Variants in ASAP1 observed in about 807,000 individuals in gnomAD.
ASAP1 encodes the protein arf-GAP with SH3 domain, ANK repeat and PH domain-containing protein 1.
ASAP1 carries 43 observed loss-of-function variants against 145.2 expected under a neutral mutation model. The observed-to-expected ratio is 0.30, with a 90% CI of 0.23 to 0.38. The LOEUF (loss-of-function observed/expected upper bound fraction) is 0.38, where lower values mean the gene tolerates loss of function less well. Among genes scored for constraint, ASAP1 ranks in the 10% least tolerant of loss-of-function variants. The probability of loss-of-function intolerance (pLI) is 1.00; values close to 1 mark genes in which losing one functional copy is unlikely to be tolerated. For synonymous variants in ASAP1, 546 were observed against 515.5 expected (o/e 1.06, Z -0.80); for missense variants, 1,018 against 1,355.3 (o/e 0.75, Z 3.91).
chr8:130,429,480 T>C (rs1435570291), intron 1 of ASAP1, among the ~76,000 whole-genome samples: 1 of 152,210 alleles, frequency 6.6e-6, no homozygotes, highest in African/African-American at 2.4e-5. Flanking sequence ...TCAAAGAGGT[T>C]TGAAACTTGC....
At chr8:130,058,877 C>T (rs531666718) in intron 28 of ASAP1, among the ~76,000 whole-genome samples, 2 of 152,224 alleles carry the variant, frequency 1.3e-5, no homozygotes, top group South Asian at 2.1e-4. Flanking sequence ...CTGGGCCGTG[C>T]GGGTGGGTTG....
At chr8:130,161,332 C>T (rs190437909) in intron 11 of ASAP1, among the ~76,000 whole-genome samples, 7 of 152,244 alleles carry the variant, frequency 4.6e-5, no homozygotes, top group Non-Finnish European at 7.4e-5. Context: ...ATACCTTTAA[C>T]GCCAGGATGG....
chr8:130,173,077 G>A (rs971381743), intron 9 of ASAP1, among the ~76,000 whole-genome samples: 1 of 152,060 alleles, frequency 6.6e-6, no homozygotes, highest in East Asian at 1.9e-4. Context: ...AGGATATCAC[G>A]TATTAATCAG....
At chr8:130,124,193 A>G (rs2097571264) in intron 17 of ASAP1, 89 bp from the exon 18 acceptor site, 15 of 942,570 alleles carry the variant, frequency 1.6e-5, no homozygotes, top group Non-Finnish European at 2.3e-5. Flanking sequence ...AGATTTATGA[A>G]TATGTATTTT....
intron 3 of ASAP1, among the ~76,000 whole-genome samples, chr8:130,238,214 G>T (rs1447327541): frequency 6.6e-6 from 1 of 152,062 alleles, no homozygotes; most frequent in Non-Finnish European, 1.5e-5. Flanking sequence ...TGGACTCAAC[G>T]TCATTCCTCG....
intron 13 of ASAP1, among the ~76,000 whole-genome samples, chr8:130,150,652 G>A (rs2097644049): frequency 6.6e-6 from 1 of 152,144 alleles, no homozygotes; most frequent in African/African-American, 2.4e-5. Context: ...GCCGAGGCGG[G>A]TGGATCACTT....
chr8:130,068,199 T>G (rs1466892726), intron 27 of ASAP1, among the ~76,000 whole-genome samples: 1 of 152,148 alleles, frequency 6.6e-6, no homozygotes, highest in South Asian at 2.1e-4. Context: ...AGTGAAATAT[T>G]TAATCCCTGG....
chr8:130,262,781 ATTTTTTAC>A (rs1309954354), intron 3 of ASAP1, among the ~76,000 whole-genome samples: 1 of 152,180 alleles, frequency 6.6e-6, no homozygotes, highest in African/African-American at 2.4e-5. Context: ...AATGCTTCAC[ATTTTTTAC>A]TTCAGCAGAA....
intron 1 of ASAP1, among the ~76,000 whole-genome samples, chr8:130,434,840 C>G (rs1390988521): frequency 1.3e-5 from 2 of 152,130 alleles, no homozygotes; most frequent in African/African-American, 4.8e-5. Flanking sequence ...AGACAGGAAG[C>G]AGGTCAGCTC....
intron 1 of ASAP1, among the ~76,000 whole-genome samples, chr8:130,408,507 T>C (rs772853032): frequency 1.3e-5 from 2 of 152,164 alleles, no homozygotes; most frequent in African/African-American, 2.4e-5. Flanking sequence ...TCCCCTGGTT[T>C]TTAGACCTTC....
At chr8:130,270,590 T>G (rs1342863707) in intron 3 of ASAP1, among the ~76,000 whole-genome samples, 2 of 152,228 alleles carry the variant, frequency 1.3e-5, no homozygotes, top group African/African-American at 4.8e-5. Context: ...AAAACATGCA[T>G]AAGAACACAA....
intron 13 of ASAP1, among the ~76,000 whole-genome samples, chr8:130,137,614 T>C (rs1409073069): frequency 6.6e-6 from 1 of 152,218 alleles, no homozygotes; most frequent in African/African-American, 2.4e-5. Context: ...TTGGTTGTGA[T>C]GCAAAATTTA....
intron 27 of ASAP1, among the ~76,000 whole-genome samples, chr8:130,071,427 T>C (rs905965024): frequency 1.3e-5 from 2 of 152,210 alleles, no homozygotes; most frequent in Admixed American, 6.5e-5. Flanking sequence ...GTGGTAAAAA[T>C]AGCTCATTGG....
At chr8:130,234,521 C>G (rs1818098247) in intron 4 of ASAP1, among the ~76,000 whole-genome samples, 1 of 152,158 alleles carries the variant, frequency 6.6e-6, no homozygotes, top group African/African-American at 2.4e-5. Flanking sequence ...CATACAGGAA[C>G]AATCTCTCCC....
rs7821440 is a variant in ASAP1, at chr8:130,057,438, A to G, written c.3315+516T>C. Among the ~76,000 whole-genome samples, 952 of 151,904 alleles carry G rather than the reference A, an allele frequency of 6.3e-3. 11 individuals carry two copies. The highest frequency in any genetic ancestry group is 0.022 in the African/African-American group (917 of 41,528). ...ATGTTAATTCTCTTGACCTGTCTTC[A>G]AAGCCCCATGGCTGTTTTTCTTTTT... On this transcript the variant is annotated intron_variant, in intron 29 of 29. Coordinates refer to ENST00000518721, the MANE Select transcript of ASAP1 (RefSeq NM_018482.4).
intron 3 of ASAP1, among the ~76,000 whole-genome samples, chr8:130,295,675 C>A (rs1313595038): frequency 2.6e-5 from 4 of 152,168 alleles, no homozygotes; most frequent in Non-Finnish European, 5.9e-5. Context: ...CCATAAGCTG[C>A]AACTGTATGA....
intron 3 of ASAP1, among the ~76,000 whole-genome samples, chr8:130,278,955 T>C (rs1486333640): frequency 6.6e-6 from 1 of 152,126 alleles, no homozygotes; most frequent in Non-Finnish European, 1.5e-5. Context: ...AAACAATCCT[T>C]ACAGACAAGC....
intron 12 of ASAP1, among the ~76,000 whole-genome samples, chr8:130,155,817 G>A (rs905095056): frequency 6.6e-6 from 1 of 152,208 alleles, no homozygotes; most frequent in African/African-American, 2.4e-5. Context: ...GGTGCTCACA[G>A]AGAGTGCCAC....
In ASAP1 at chr8:130,299,708, A is replaced by G. The variant is rs192603503; in HGVS notation, c.186+58309T>C. Among the ~76,000 whole-genome samples, 375 of 152,356 alleles carry G rather than the reference A, an allele frequency of 2.5e-3. 2 individuals are homozygous for G. The highest frequency in any genetic ancestry group is 8.9e-3 in the African/African-American group (368 of 41,576). On this transcript the variant is annotated intron_variant, in intron 3 of 29. Transcript: ENST00000518721. Reference sequence around the variant, plus strand: ...AAACAGAGAGATCAAGAAGACAAAAATCAGCAGAAACTTTCCAGCACAGAG... The same window carrying G: ...AAACAGAGAGATCAAGAAGACAAAAGTCAGCAGAAACTTTCCAGCACAGAG...
Sources: gnomAD v4.1 joint callset for allele counts (sites outside exome capture counted in the v4.1 genomes callset) on GRCh38, gnomAD v4.1.1 for gene constraint, MANE v1.5 for transcripts, NCBI Gene and HGNC (gene_info 2026-07-23, HGNC 2026-07-21) for gene names.